CYRIB: variants seen among roughly 807,000 people sequenced by gnomAD.
CYRIB encodes the protein CYFIP related Rac1 interactor B, also known as CYFIP-related Rac1 interactor B.
A neutral mutation model predicts 44.2 loss-of-function variants in CYRIB; 8 were observed. The observed-to-expected ratio is 0.18, with a 90% CI of 0.11 to 0.33. CYRIB has a LOEUF of 0.33. Ranked by LOEUF, CYRIB falls within the 10% of genes least tolerant of loss-of-function variation. The probability of loss-of-function intolerance (pLI) is 1.00; values close to 1 mark genes in which losing one functional copy is unlikely to be tolerated. For synonymous variants in CYRIB, 131 were observed against 127.2 expected, an observed-to-expected ratio of 1.03 and a Z score of -0.20; for missense variants, 185 against 382.8, an observed-to-expected ratio of 0.48 and a Z score of 4.31.
intron 3 of CYRIB, among the ~76,000 whole-genome samples, chr8:129,875,289 C>A: frequency 6.6e-6 from 1 of 150,704 alleles, no homozygotes. Context: ...TTTTCAAAGA[C>A]AGTTTCACTC....
intron 1 of CYRIB, among the ~76,000 whole-genome samples, chr8:129,915,002 T>A (rs757804802): frequency 1.4e-4 from 22 of 152,054 alleles, no homozygotes; most frequent in Non-Finnish European, 3.1e-4. Flanking sequence ...ACATACCAGA[T>A]GGCTAAAAAA....
intron 1 of CYRIB, among the ~76,000 whole-genome samples, chr8:130,015,450 A>C (rs930122770): frequency 6.6e-6 from 1 of 152,152 alleles, no homozygotes; most frequent in Non-Finnish European, 1.5e-5. Flanking sequence ...AGGGTAAGCG[A>C]CTTGCCCAAG....
chr8:129,851,166 T>G, intron 8 of CYRIB: 1 of 456,304 alleles, frequency 2.2e-6, no homozygotes, highest in Non-Finnish European at 3.9e-6. Flanking sequence ...ACTGCAACAA[T>G]GCAGACAGGG....
intron 2 of CYRIB, among the ~76,000 whole-genome samples, chr8:129,947,249 G>A (rs574652047): frequency 2.6e-5 from 4 of 152,134 alleles, no homozygotes; most frequent in African/African-American, 9.6e-5. Flanking sequence ...TAGTAGAGAT[G>A]GGGTTTTGCC....
At chr8:129,987,887 C>T (rs1186196031) in intron 1 of CYRIB, among the ~76,000 whole-genome samples, 1 of 152,178 alleles carries the variant, frequency 6.6e-6, no homozygotes, top group Non-Finnish European at 1.5e-5. Flanking sequence ...GTTTCTAGTA[C>T]ACAAATCCTC....
At chr8:129,853,152 A>C (rs1380517660) in intron 7 of CYRIB, among the ~76,000 whole-genome samples, 1 of 152,180 alleles carries the variant, frequency 6.6e-6, no homozygotes, top group East Asian at 1.9e-4. Context: ...ATTGGATTTT[A>C]CCTGTAATTA....
chr8:129,871,143 C>A (rs899602086), intron 4 of CYRIB, among the ~76,000 whole-genome samples: 10 of 152,044 alleles, frequency 6.6e-5, no homozygotes, highest in Admixed American at 6.6e-4. Context: ...TAAGAGCAAC[C>A]CAAAAAGTAA....
At chr8:129,974,895 T>TC (rs1328296089) in intron 1 of CYRIB, among the ~76,000 whole-genome samples, 2 of 151,382 alleles carry the variant, frequency 1.3e-5, no homozygotes, top group Non-Finnish European at 2.9e-5. Flanking sequence ...TAATTTTTTT[T>TC]TTTTTTTGAG....
chr8:129,967,274 G>A (rs2095511369), intron 2 of CYRIB, among the ~76,000 whole-genome samples: 1 of 152,168 alleles, frequency 6.6e-6, no homozygotes, highest in South Asian at 2.1e-4. Context: ...CATGGTGGAA[G>A]TATTTACACC....
upstream of CYRIB, among the ~76,000 whole-genome samples, chr8:129,944,142 G>T (rs987130123): frequency 6.6e-6 from 1 of 152,074 alleles, no homozygotes; most frequent in African/African-American, 2.4e-5. Context: ...ACATAATCAG[G>T]TATGTTTTAT....
chr8:129,848,905 A>G (rs1474266757), intron 10 of CYRIB, among the ~76,000 whole-genome samples: 2 of 152,192 alleles, frequency 1.3e-5, no homozygotes, highest in East Asian at 3.8e-4. Flanking sequence ...TTCTGAAATA[A>G]ACATTTTATT....
chr8:129,870,730 A>G (rs2056830279), intron 4 of CYRIB, among the ~76,000 whole-genome samples: 1 of 152,170 alleles, frequency 6.6e-6, no homozygotes, highest in African/African-American at 2.4e-5. Flanking sequence ...AGAAGGGGAG[A>G]GATGAAGGCC....
intron 2 of CYRIB, among the ~76,000 whole-genome samples, chr8:129,891,355 C>T (rs981016393): frequency 6.6e-6 from 1 of 152,294 alleles, no homozygotes; most frequent in Non-Finnish European, 1.5e-5. Flanking sequence ...TGACTGATAT[C>T]GGAGAAGTTC....
At chr8:129,879,431 T>C in exon 3 of CYRIB, 1 of 1,611,896 alleles carries the variant, frequency 6.2e-7, no homozygotes, top group Non-Finnish European at 8.5e-7. Context: ...TCAAGGTCTG[T>C]GCATGTCAAA....
chr8:129,865,372 T>C (rs1236592149), intron 4 of CYRIB, among the ~76,000 whole-genome samples: 1 of 152,232 alleles, frequency 6.6e-6, no homozygotes, highest in Non-Finnish European at 1.5e-5. Flanking sequence ...TGGTTTACTT[T>C]CAAGTGGCTG....
chr8:129,919,755 G>A (rs2082593717), intron 1 of CYRIB, among the ~76,000 whole-genome samples: 1 of 151,946 alleles, frequency 6.6e-6, no homozygotes, highest in Non-Finnish European at 1.5e-5. Flanking sequence ...ACTGGAAAAG[G>A]AAAATCTTCT....
At chr8:130,003,984 G>T (rs947297386) in intron 1 of CYRIB, among the ~76,000 whole-genome samples, 1 of 152,158 alleles carries the variant, frequency 6.6e-6, no homozygotes, top group Admixed American at 6.5e-5. Flanking sequence ...AATTCTAGGG[G>T]CTGCGGTAAC....
At chr8:129,989,516 G>C (rs969516323) in intron 1 of CYRIB, among the ~76,000 whole-genome samples, 1 of 152,216 alleles carries the variant, frequency 6.6e-6, no homozygotes, top group Non-Finnish European at 1.5e-5. Flanking sequence ...GCAGGGACCA[G>C]GGTGTAGGTA....
At chr8:129,874,441 A>G (rs1234383789) in intron 3 of CYRIB, among the ~76,000 whole-genome samples, 1 of 152,114 alleles carries the variant, frequency 6.6e-6, no homozygotes, top group Non-Finnish European at 1.5e-5. Flanking sequence ...TATGAAATGA[A>G]AAAATAAAAA....
Sources: allele counts gnomAD v4.1 joint callset (sites outside exome capture counted in the v4.1 genomes callset), GRCh38; gene constraint gnomAD v4.1.1; transcripts MANE v1.5; gene names NCBI Gene and HGNC (gene_info 2026-07-23, HGNC 2026-07-21).